The following LARP1B variants were observed in gnomAD, a reference collection of about 807,000 sequenced individuals.
The protein encoded by LARP1B is la-related protein 1B.
In LARP1B, 76 loss-of-function variants were observed where a neutral mutation model predicts 114.2. The observed-to-expected ratio is 0.67, with a 90% CI of 0.55 to 0.81. The LOEUF (loss-of-function observed/expected upper bound fraction) is 0.81. Among genes scored for constraint, LARP1B ranks in the 30% least tolerant of loss-of-function variants. The pLI, the probability that LARP1B is intolerant of heterozygous loss-of-function variation, is 0.00. For synonymous variants in LARP1B, 345 were observed against 348.0 expected (o/e 0.99, Z 0.10); for missense variants, 1,014 against 1,075.8 (o/e 0.94, Z 0.80).
chr4:128,067,735 A>G (rs182034618), intron 1 of LARP1B, among the ~76,000 whole-genome samples: 1 of 147,002 alleles, frequency 6.8e-6, no homozygotes, highest in African/African-American at 2.5e-5. Flanking sequence ...TTTTTTTGAG[A>G]TGGCGCCTTG....
Position 128,210,377 on chromosome 4 carries a change from T to G in LARP1B, c.*324T>G, listed in dbSNP as rs1355374344. 9.2e-7 allele frequency: 1 copy of G among 1,081,796 alleles called. No individual in the cohort carries two copies. Among genetic ancestry groups the G allele is most frequent in the Non-Finnish European group, 1.1e-6 (1 of 889,276 alleles). 67.0% of individuals were successfully genotyped at this position (1,081,796 alleles called of 1,614,324 possible). On this transcript the variant is annotated 3_prime_UTR_variant, in exon 20 of 20. Transcript: ENST00000326639. Reference sequence around the variant, plus strand: ...CATGGTTTTACAAAAACAGCATTCCTTAAATATATTTAAAAAACAATACAA... The same window carrying G: ...CATGGTTTTACAAAAACAGCATTCCGTAAATATATTTAAAAAACAATACAA...
chr4:128,177,176 A>G (rs149577721), intron 13 of LARP1B, among the ~76,000 whole-genome samples: 229 of 152,336 alleles, frequency 1.5e-3, no homozygotes, highest in Non-Finnish European at 1.1e-3. Flanking sequence ...AAGGATGTTA[A>G]GCAGAAATAT....
At chr4:128,201,985 AAT>A (rs1398325657) in intron 17 of LARP1B, among the ~76,000 whole-genome samples, 1 of 152,210 alleles carries the variant, frequency 6.6e-6, no homozygotes, top group Non-Finnish European at 1.5e-5. Context: ...GTGTGCTACA[AAT>A]ACATTTTTCT....
intron 8 of LARP1B, among the ~76,000 whole-genome samples, chr4:128,103,178 C>A (rs1780869395): frequency 6.6e-6 from 1 of 152,116 alleles, no homozygotes; most frequent in African/African-American, 2.4e-5. Flanking sequence ...GGTTTTATAA[C>A]TCGATGTTTC....
intron 6 of LARP1B, 69 bp downstream of exon 6, chr4:128,091,213 ATGTTT>A: frequency 1.3e-6 from 2 of 1,562,900 alleles, no homozygotes; most frequent in Non-Finnish European, 1.7e-6. Flanking sequence ...ATCCTCTATT[ATGTTT>A]TAACTAATTT....
chr4:128,077,058 A>C (rs2149409722), intron 3 of LARP1B, among the ~76,000 whole-genome samples: 1 of 152,258 alleles, frequency 6.6e-6, no homozygotes, highest in Admixed American at 6.6e-5. Flanking sequence ...AAGTTTCAAA[A>C]AATATTTTAG....
intron 11 of LARP1B, among the ~76,000 whole-genome samples, chr4:128,133,329 A>T (rs907491220): frequency 3.3e-5 from 5 of 152,250 alleles, no homozygotes; most frequent in Admixed American, 6.5e-5. Flanking sequence ...ATTGTACTAC[A>T]TGTGAATTAC....
At chr4:128,107,696 T>C in intron 9 of LARP1B, 1 of 1,436,050 alleles carries the variant, frequency 7.0e-7, no homozygotes, top group Non-Finnish European at 9.1e-7. Flanking sequence ...TCCTTTAATT[T>C]TGTTACCAAT....
intron 3 of LARP1B, among the ~76,000 whole-genome samples, chr4:128,076,293 C>T (rs937143579): frequency 6.6e-6 from 1 of 152,240 alleles, no homozygotes; most frequent in Non-Finnish European, 1.5e-5. Context: ...GCGTGAGCCA[C>T]TGCGCCCAGC....
Position 128,110,676 on chromosome 4 carries a change from CA to C in LARP1B, c.988+3380del, listed in dbSNP as rs544129662. On this transcript the variant is annotated intron_variant, in intron 9 of 19. Coordinates refer to ENST00000326639, the MANE Select transcript of LARP1B (RefSeq NM_018078.4). ...TGGGCGACAGAGCGAGACTCCGTCTCAAAAAAAAAAAAAAAAAGATGCAGCA... is the reference window on the plus strand; with the variant it reads ...TGGGCGACAGAGCGAGACTCCGTCTCAAAAAAAAAAAAAAAAGATGCAGCA... 8.9e-4 allele frequency among the ~76,000 whole-genome samples: 29 copies of C among 32,432 alleles called. 3 individuals carry two copies. The highest frequency in any genetic ancestry group is 6.6e-3 in the East Asian group (3 of 454). 21.3% of individuals were successfully genotyped at this position (32,432 alleles called of 152,430 possible). A position where few individuals can be genotyped will look rare whatever the true frequency, so the allele number is the denominator to read the frequency against.
chr4:128,085,372 T>TTG (rs1773028804), intron 5 of LARP1B, among the ~76,000 whole-genome samples: 1 of 145,954 alleles, frequency 6.9e-6, no homozygotes, highest in Non-Finnish European at 1.5e-5. Flanking sequence ...TTTTTTTTTT[T>TTG]TTTTTAAATA....
At chr4:128,175,124 C>G (rs1745347372) in intron 12 of LARP1B, among the ~76,000 whole-genome samples, 1 of 152,082 alleles carries the variant, frequency 6.6e-6, no homozygotes. Context: ...TCTGCATTTA[C>G]CTGACTGTAT....
chr4:128,197,941 A>T lies in LARP1B; in HGVS notation c.2004-1498A>T, dbSNP rs548900777. On this transcript the variant is annotated intron_variant, in intron 15 of 19. Transcript: ENST00000326639. ...TGCTCATCACCTAGGCTGGAGTGCA[A>T]TGGCATGATCTCTGCTCACTGCAAC... Among the ~76,000 whole-genome samples the T allele has an allele frequency of 3.5e-5, 5 of 142,766 alleles. No homozygotes were observed. The South Asian group carries it at 1.1e-3, about 32-fold the overall frequency. 93.7% of individuals were successfully genotyped at this position (142,766 alleles called of 152,430 possible).
At chr4:128,092,478 T>A (rs918975326) in intron 7 of LARP1B, among the ~76,000 whole-genome samples, 3 of 152,210 alleles carry the variant, frequency 2.0e-5, no homozygotes, top group African/African-American at 7.2e-5. Context: ...TTTGCTTATT[T>A]ATATAGTATG....
At chr4:128,186,190 AT>A (rs921553271) in intron 15 of LARP1B, among the ~76,000 whole-genome samples, 5 of 137,112 alleles carry the variant, frequency 3.6e-5, no homozygotes, top group South Asian at 5.3e-4. Flanking sequence ...AAATTTTAGG[AT>A]TTTTTTTCTA....
At chr4:128,110,484 TAAAA>T (rs1343306704) in intron 9 of LARP1B, among the ~76,000 whole-genome samples, 2 of 148,428 alleles carry the variant, frequency 1.3e-5, no homozygotes, top group Non-Finnish European at 1.5e-5. Flanking sequence ...CCATCCCGGC[TAAAA>T]AAAACGGTGA....
At chr4:128,084,615 A>AGGGAGAG (rs1312059686) in intron 5 of LARP1B, among the ~76,000 whole-genome samples, 3 of 151,432 alleles carry the variant, frequency 2.0e-5, no homozygotes, top group Middle Eastern at 3.2e-3. Flanking sequence ...GGAGACCGAG[A>AGGGAGAG]GGGAGAGGGG....
intron 12 of LARP1B, among the ~76,000 whole-genome samples, chr4:128,169,473 TTTTG>T (rs1211502410): frequency 3.3e-5 from 5 of 152,090 alleles, no homozygotes; most frequent in African/African-American, 1.2e-4. Context: ...TTAGAAGTGT[TTTTG>T]TTTAATTTTT....
At chr4:128,156,255 C>T (rs1581105425) in intron 11 of LARP1B, 2 of 1,202,566 alleles carry the variant, frequency 1.7e-6, no homozygotes, top group Admixed American at 1.9e-5. Context: ...ACGTCTGCTC[C>T]CCTTCCCCCA....
Sources: gnomAD v4.1 joint callset for allele counts (sites outside exome capture counted in the v4.1 genomes callset) on GRCh38, gnomAD v4.1.1 for gene constraint, MANE v1.5 for transcripts, NCBI Gene and HGNC (gene_info 2026-07-23, HGNC 2026-07-21) for gene names.